USP12: variants seen among roughly 807,000 people sequenced by gnomAD.
USP12 encodes the protein ubiquitin carboxyl-terminal hydrolase 12.
A neutral mutation model predicts 45.5 loss-of-function variants in USP12; 19 were observed. The ratio of observed to expected loss-of-function variants is 0.42; its 90% CI spans 0.29 to 0.61. The LOEUF is 0.61. USP12 is among the 20% of genes least tolerant of loss of function. The pLI, the probability that USP12 is intolerant of heterozygous loss-of-function variation, is 0.22. For synonymous variants in USP12, 149 were observed against 148.8 expected, an observed-to-expected ratio of 1.00 and a Z score of -0.01; for missense variants, 242 against 447.7, an observed-to-expected ratio of 0.54 and a Z score of 4.15.
At chr13:27,087,389 T>C (rs1333465274) in intron 6 of USP12, among the ~76,000 whole-genome samples, 4 of 152,116 alleles carry the variant, frequency 2.6e-5, no homozygotes, top group African/African-American at 9.7e-5. Flanking sequence ...GTAAGGATAA[T>C]AGCAGCCAAC....
At chr13:27,160,527 A>T (rs1248798689) in intron 1 of USP12, among the ~76,000 whole-genome samples, 2 of 151,944 alleles carry the variant, frequency 1.3e-5, no homozygotes, top group Non-Finnish European at 2.9e-5. Context: ...CAGACAATGA[A>T]AAGATTCTAA....
intron 1 of USP12, among the ~76,000 whole-genome samples, chr13:27,154,266 A>G (rs192587261): frequency 6.8e-4 from 103 of 152,378 alleles, no homozygotes; most frequent in African/African-American, 2.4e-3. Flanking sequence ...TATATTTTAC[A>G]TATACTCTGT....
intron 1 of USP12, among the ~76,000 whole-genome samples, chr13:27,131,981 G>C (rs1296417171): frequency 6.6e-6 from 1 of 152,038 alleles, no homozygotes; most frequent in Non-Finnish European, 1.5e-5. Context: ...TTTTTATTAC[G>C]TGTCACTGGG....
At chr13:27,155,109 C>T (rs1024515514) in intron 1 of USP12, among the ~76,000 whole-genome samples, 5 of 123,200 alleles carry the variant, frequency 4.1e-5, no homozygotes, top group East Asian at 2.4e-4. Flanking sequence ...TGAGACGGAA[C>T]CTCGCTCTGT....
intron 6 of USP12, among the ~76,000 whole-genome samples, chr13:27,082,723 T>C (rs910405085): frequency 1.3e-5 from 2 of 152,200 alleles, no homozygotes; most frequent in Admixed American, 6.5e-5. Context: ...AGGTTATTAA[T>C]TGGCCTAATT....
chr13:27,116,366 A>C (rs1875742514), intron 2 of USP12, 150 bp downstream of exon 2: 3 of 631,270 alleles, frequency 4.8e-6, no homozygotes, highest in Non-Finnish European at 7.4e-6. Context: ...CTTCCCTTAA[A>C]GATCATTTCA....
At chr13:27,086,318 C>A (rs1874045252) in intron 6 of USP12, among the ~76,000 whole-genome samples, 1 of 140,576 alleles carries the variant, frequency 7.1e-6, no homozygotes, top group South Asian at 2.2e-4. Context: ...CAATGCAGCA[C>A]CTCCTAAGAA....
chr13:27,087,029 T>G, intron 6 of USP12, among the ~76,000 whole-genome samples: 1 of 152,026 alleles, frequency 6.6e-6, no homozygotes, highest in East Asian at 1.9e-4. Context: ...ATTCAACTAT[T>G]TGATGGGGCC....
intron 6 of USP12, among the ~76,000 whole-genome samples, chr13:27,088,177 C>T (rs1488853150): frequency 3.9e-5 from 6 of 152,054 alleles, no homozygotes; most frequent in Non-Finnish European, 1.5e-5. Context: ...TCCCAGCTCT[C>T]TGGGAGGCCG....
intron 6 of USP12, among the ~76,000 whole-genome samples, chr13:27,078,890 C>G (rs1456053221): frequency 1.3e-5 from 2 of 151,944 alleles, no homozygotes; most frequent in Non-Finnish European, 2.9e-5. Flanking sequence ...TCAAACTGCA[C>G]TATACACATT....
intron 1 of USP12, among the ~76,000 whole-genome samples, chr13:27,130,561 C>CAAAAAAAAAAAAAAAAAAA (rs5802413): frequency 8.0e-6 from 1 of 124,792 alleles, no homozygotes; most frequent in African/African-American, 3.2e-5. Context: ...CAAAACATGC[C>CAAAAAAAAAAAAAAAAAAA]AAAAAAAAAA....
At chr13:27,131,500 A>G (rs1876499403) in intron 1 of USP12, among the ~76,000 whole-genome samples, 2 of 152,264 alleles carry the variant, frequency 1.3e-5, no homozygotes, top group South Asian at 4.1e-4. Flanking sequence ...TCATTTTACC[A>G]AAGTGAGCAA....
chr13:27,122,898 C>G (rs1427339628), intron 1 of USP12, among the ~76,000 whole-genome samples: 4 of 151,754 alleles, frequency 2.6e-5, no homozygotes, highest in Non-Finnish European at 5.9e-5. Context: ...TTGAGACCAT[C>G]CTGGCTAACA....
chr13:27,113,834 G>A (rs1875583720), intron 2 of USP12, among the ~76,000 whole-genome samples: 1 of 152,186 alleles, frequency 6.6e-6, no homozygotes, highest in African/African-American at 2.4e-5. Flanking sequence ...AGGAGAAACT[G>A]AATGAGAATG....
chr13:27,170,667 T>C (rs1289157828), intron 1 of USP12, among the ~76,000 whole-genome samples: 1 of 152,220 alleles, frequency 6.6e-6, no homozygotes, highest in East Asian at 1.9e-4. Context: ...ATTAGCACTT[T>C]TCCCTTACAG....
At chr13:27,075,478 T>TA (rs2137754671) in intron 6 of USP12, 90 bp from the exon 7 acceptor site, 1 of 1,183,936 alleles carries the variant, frequency 8.4e-7, no homozygotes, top group South Asian at 1.5e-5. Context: ...AATGAACAGA[T>TA]AGACAATGGT....
intron 1 of USP12, among the ~76,000 whole-genome samples, chr13:27,118,449 T>A (rs1875842634): frequency 6.6e-6 from 1 of 152,174 alleles, no homozygotes; most frequent in African/African-American, 2.4e-5. Flanking sequence ...TGGATAGCAA[T>A]ATGTCATAAC....
intron 2 of USP12, among the ~76,000 whole-genome samples, chr13:27,112,844 T>C (rs1012808789): frequency 5.9e-5 from 9 of 152,302 alleles, no homozygotes; most frequent in African/African-American, 2.2e-4. Flanking sequence ...ACATCAGAAA[T>C]GCTAATATTT....
chr13:27,167,010 T>C (rs1878376963), intron 1 of USP12, among the ~76,000 whole-genome samples: 1 of 152,140 alleles, frequency 6.6e-6, no homozygotes, highest in Non-Finnish European at 1.5e-5. Flanking sequence ...TGTAAAACTA[T>C]ATCTAGGGAA....
Sources: allele counts gnomAD v4.1 joint callset (sites outside exome capture counted in the v4.1 genomes callset), GRCh38; gene constraint gnomAD v4.1.1; transcripts MANE v1.5; gene names NCBI Gene and HGNC (gene_info 2026-07-23, HGNC 2026-07-21).